PRKN: variants seen among roughly 807,000 people sequenced by gnomAD.
PRKN encodes the protein parkin RBR E3 ubiquitin protein ligase.
Under a neutral mutation model 59.5 loss-of-function variants are expected in PRKN, and 56 were observed. The ratio of observed to expected loss-of-function variants is 0.94; its 90% confidence interval spans 0.76 to 1.18. The LOEUF (loss-of-function observed/expected upper bound fraction) is 1.18, where lower values mean the gene tolerates loss of function less well. PRKN is among the 50% of genes most tolerant of loss of function. The probability of loss-of-function intolerance (pLI) is 0.00; values close to 1 mark genes in which losing one functional copy is unlikely to be tolerated. For synonymous variants in PRKN, 250 were observed against 222.1 expected (o/e 1.13, Z -1.12); for missense variants, 657 against 596.4 (o/e 1.10, Z -1.06).
At chr6:162,713,729 AC>A (rs1221894612) in intron 1 of PRKN, among the ~76,000 whole-genome samples, 1 of 152,074 alleles carries the variant, frequency 6.6e-6, no homozygotes, top group Non-Finnish European at 1.5e-5. Flanking sequence ...TGTTAGCTAT[AC>A]TTATACTGTT....
chr6:161,439,300 C>G (rs1425203475), intron 9 of PRKN, among the ~76,000 whole-genome samples: 1 of 152,134 alleles, frequency 6.6e-6, no homozygotes, highest in East Asian at 1.9e-4. Flanking sequence ...ATCAAGAGGG[C>G]AGAGCCGGGA....
At position 161,470,590 on chromosome 6, in the gene PRKN, CAA is replaced by C. The variant is rs577253155; in HGVS notation, c.1083+78262_1083+78263del. Among the ~76,000 whole-genome samples, 226 of 152,332 alleles carry C rather than the reference CAA, an allele frequency of 1.5e-3. 1 individual carries two copies. Among genetic ancestry groups the C allele is most frequent in the Non-Finnish European group, 2.8e-3 (189 of 68,032 alleles). On this transcript the variant is annotated intron_variant, in intron 9 of 11. Transcript: ENST00000366898. This position sits in a 1 kb window ranked among gnomAD's most constrained non-coding sequence, Gnocchi z 5.1. The stretch of plus-strand genomic sequence containing the variant: ...TCTGGCCACACCCCTCTTCCTGGAG[CAA>C]AGAGTCTGTGGAGCTAAAAAGCTGC...
At chr6:162,707,716 A>G (rs982208024) in intron 1 of PRKN, among the ~76,000 whole-genome samples, 2 of 152,106 alleles carry the variant, frequency 1.3e-5, no homozygotes, top group Admixed American at 1.3e-4. Context: ...CTGGGACTAC[A>G]GGTGCAAGCC....
At chr6:162,677,283 AAGAC>A (rs1045740728) in intron 1 of PRKN, among the ~76,000 whole-genome samples, 3 of 151,894 alleles carry the variant, frequency 2.0e-5, no homozygotes, top group Admixed American at 6.6e-5. Flanking sequence ...GATTAATAAA[AAGAC>A]AGACGGGCAA....
chr6:162,563,658 C>G (rs898124283), intron 1 of PRKN, among the ~76,000 whole-genome samples: 1 of 152,136 alleles, frequency 6.6e-6, no homozygotes, highest in Non-Finnish European at 1.5e-5. Flanking sequence ...ATGATCTCAT[C>G]AAATGAACTA....
chr6:162,416,151 T>C (rs1347781457), intron 2 of PRKN, among the ~76,000 whole-genome samples: 1 of 152,212 alleles, frequency 6.6e-6, no homozygotes, highest in Non-Finnish European at 1.5e-5. Context: ...TTTCCATTTA[T>C]ACCACTGCCA....
chr6:161,840,624 C>T (rs1382207600), intron 6 of PRKN, among the ~76,000 whole-genome samples: 2 of 152,146 alleles, frequency 1.3e-5, no homozygotes, highest in African/African-American at 2.4e-5. Context: ...TGCCAGGCCC[C>T]AGTGCCTGTT....
chr6:162,306,535 G>A (rs369973936), intron 2 of PRKN, among the ~76,000 whole-genome samples: 8 of 152,170 alleles, frequency 5.3e-5, no homozygotes, highest in Non-Finnish European at 5.9e-5. Flanking sequence ...AAGGAGTTGC[G>A]AAGATTAATC....
At chr6:162,675,190 G>A (rs969156909) in intron 1 of PRKN, among the ~76,000 whole-genome samples, 1 of 151,958 alleles carries the variant, frequency 6.6e-6, no homozygotes, top group African/African-American at 2.4e-5. Flanking sequence ...TGGGATTACA[G>A]GCACGCACCA....
intron 6 of PRKN, among the ~76,000 whole-genome samples, chr6:161,961,002 A>C (rs1398133137): frequency 6.6e-6 from 1 of 152,226 alleles, no homozygotes; most frequent in Non-Finnish European, 1.5e-5. Context: ...AAATGGGTAT[A>C]AATAACATTC....
intron 10 of PRKN, among the ~76,000 whole-genome samples, chr6:161,384,894 C>T (rs910932330): frequency 6.6e-6 from 1 of 152,226 alleles, no homozygotes; most frequent in African/African-American, 2.4e-5. Flanking sequence ...CCCCATGGCT[C>T]CCCTATGAGC....
chr6:161,675,115 A>G (rs1785042033), intron 7 of PRKN, among the ~76,000 whole-genome samples: 1 of 152,202 alleles, frequency 6.6e-6, no homozygotes, highest in Non-Finnish European at 1.5e-5. Flanking sequence ...GAAGAATAGA[A>G]GCCGTGTCTC....
rs1014143676 is a variant in PRKN at position 161,390,600 on chromosome 6, C to A, written c.1084-3723G>T. On this transcript the variant is annotated intron_variant, in intron 9 of 11. Transcript: ENST00000366898. This position sits in a 1 kb window ranked among gnomAD's most constrained non-coding sequence, Gnocchi z 7.0. ...GCCTCCCGGGTTCAAGCAATTCTCC[C>A]GTCTCAGCCTCCTGAGTAGCTGGGA... Among the ~76,000 whole-genome samples the A allele has an allele frequency of 6.6e-6, 1 of 152,050 alleles. No homozygotes were observed. The highest frequency in any genetic ancestry group is 6.6e-5 in the Admixed American group (1 of 15,256).
At chr6:161,602,020 A>G (rs1782124927) in intron 7 of PRKN, among the ~76,000 whole-genome samples, 1 of 152,236 alleles carries the variant, frequency 6.6e-6, no homozygotes, top group Non-Finnish European at 1.5e-5. Flanking sequence ...AAGTAAAATA[A>G]TTCGTATCAC....
intron 7 of PRKN, among the ~76,000 whole-genome samples, chr6:161,754,761 C>T (rs1282351648): frequency 1.3e-5 from 2 of 152,208 alleles, no homozygotes; most frequent in African/African-American, 4.8e-5. Context: ...CAATATTCCT[C>T]ATATCTAGCT....
In PRKN at chr6:161,896,625, C is replaced by T. The variant is rs115357871; in HGVS notation, c.734+76677G>A. Reference sequence around the variant, plus strand: ...AAACACGGCATGTAAGAACTAATGGCGACGGGAGGAGCTGGGGGAGCAGGG... The same window carrying T: ...AAACACGGCATGTAAGAACTAATGGTGACGGGAGGAGCTGGGGGAGCAGGG... On this transcript the variant is annotated intron_variant, in intron 6 of 11. Coordinates refer to ENST00000366898, the MANE Select transcript of PRKN (RefSeq NM_004562.3). 5.7e-3 allele frequency among the ~76,000 whole-genome samples: 874 copies of T among 152,170 alleles called. 7 individuals carry two copies. Among genetic ancestry groups the T allele is most frequent in the African/African-American group, 0.02 (844 of 41,524 alleles).
chr6:162,058,488 A>G (rs1451438360), intron 4 of PRKN, among the ~76,000 whole-genome samples: 1 of 152,182 alleles, frequency 6.6e-6, no homozygotes, highest in African/African-American at 2.4e-5. Context: ...CCAGTGAACC[A>G]CACTGTGCTT....
intron 1 of PRKN, among the ~76,000 whole-genome samples, chr6:162,605,463 T>A (rs770745076): frequency 6.6e-6 from 1 of 152,166 alleles, no homozygotes; most frequent in Non-Finnish European, 1.5e-5. Flanking sequence ...TTCCTTGGTA[T>A]AATTTAAATA....
At chr6:161,769,125 T>A (rs1789552501) in intron 7 of PRKN, among the ~76,000 whole-genome samples, 1 of 152,222 alleles carries the variant, frequency 6.6e-6, no homozygotes, top group Non-Finnish European at 1.5e-5. Flanking sequence ...TATATCAAAG[T>A]ATTAATGTAG....
Sources: gnomAD v4.1 joint callset for allele counts (sites outside exome capture counted in the v4.1 genomes callset) on GRCh38, gnomAD v4.1.1 for gene constraint, Gnocchi (gnomAD v3.1) non-coding constraint, MANE v1.5 for transcripts, NCBI Gene and HGNC (gene_info 2026-07-23, HGNC 2026-07-21) for gene names.